PSMD1: variants seen among roughly 807,000 people sequenced by gnomAD.
PSMD1 encodes the protein proteasome 26S subunit, non-ATPase 1.
A neutral mutation model predicts 119.0 loss-of-function variants in PSMD1; 18 were observed. The ratio of observed to expected loss-of-function variants is 0.15; its 90% CI spans 0.10 to 0.22. PSMD1 has a LOEUF of 0.22. Ranked by LOEUF, PSMD1 falls within the 10% of genes least tolerant of loss-of-function variation. PSMD1 has a pLI of 1.00. For synonymous variants in PSMD1, 374 were observed against 396.6 expected, an observed-to-expected ratio of 0.94 and a Z score of 0.68; for missense variants, 702 against 1,158.5, an observed-to-expected ratio of 0.61 and a Z score of 5.72.
At chr2:231,121,596 T>A (rs919822354) in intron 16 of PSMD1, among the ~76,000 whole-genome samples, 1 of 152,218 alleles carries the variant, frequency 6.6e-6, no homozygotes, top group Admixed American at 6.5e-5. Context: ...TTCTATAGAA[T>A]ACATGGAATC....
chr2:231,170,423 T>G lies in PSMD1; in HGVS notation c.2716-143T>G. ...TACTTCGTATAGATCACAGTTATCT[T>G]TATCCCAGTAAAGTTCTACTCCAGT... On this transcript the variant is annotated intron_variant, in intron 23 of 24. Transcript: ENST00000308696. This position sits in a 1 kb window ranked among gnomAD's most constrained non-coding sequence, Gnocchi z 4.1. 2 of 834,596 alleles carry G rather than the reference T, an allele frequency of 2.4e-6. No homozygotes were observed. Among genetic ancestry groups the G allele is most frequent in the Non-Finnish European group, 3.5e-6 (2 of 570,944 alleles). 51.7% of individuals were successfully genotyped at this position (834,596 alleles called of 1,614,324 possible).
At chr2:231,142,574 T>G (rs993136204) in intron 17 of PSMD1, among the ~76,000 whole-genome samples, 19 of 152,218 alleles carry the variant, frequency 1.2e-4, no homozygotes, top group African/African-American at 4.6e-4. Context: ...CAAGCCTTTA[T>G]TTCTAGATAA....
intron 12 of PSMD1, among the ~76,000 whole-genome samples, chr2:231,080,988 CA>C (rs1178305293): frequency 6.6e-6 from 1 of 151,694 alleles, no homozygotes; most frequent in Non-Finnish European, 1.5e-5. Context: ...ACTAAAAATA[CA>C]AAAAATTAGC....
intron 10 of PSMD1, 107 bp downstream of exon 10, chr2:231,078,854 AT>A: frequency 1.4e-6 from 1 of 719,928 alleles, no homozygotes; most frequent in Non-Finnish European, 2.0e-6. Flanking sequence ...GAGGGCAGTG[AT>A]GCGATCTCGG....
chr2:231,102,678 G>A (rs1167974534), intron 16 of PSMD1, among the ~76,000 whole-genome samples: 1 of 151,998 alleles, frequency 6.6e-6, no homozygotes, highest in Non-Finnish European at 1.5e-5. Flanking sequence ...GGAGGAAGAG[G>A]AGAGGTTGGT....
chr2:231,109,484 T>C (rs1396875087), intron 16 of PSMD1: 1 of 1,275,704 alleles, frequency 7.8e-7, no homozygotes, highest in Non-Finnish European at 1.1e-6. Context: ...TTTTGGATTG[T>C]ATCCTTATAA....
intron 4 of PSMD1, 51 bp from the exon 5 acceptor site, chr2:231,066,855 G>A (rs1693920514): frequency 1.4e-6 from 2 of 1,434,562 alleles, no homozygotes; most frequent in Admixed American, 4.9e-5. Flanking sequence ...TGCCCTTTCT[G>A]ATAGTTTAGC....
chr2:231,127,038 C>A (rs999013751), intron 16 of PSMD1, among the ~76,000 whole-genome samples: 3 of 152,048 alleles, frequency 2.0e-5, no homozygotes, highest in Non-Finnish European at 4.4e-5. Flanking sequence ...CGCACACACA[C>A]GCACAGACGT....
chr2:231,119,106 T>G (rs1695443724), intron 16 of PSMD1, among the ~76,000 whole-genome samples: 1 of 152,256 alleles, frequency 6.6e-6, no homozygotes, highest in South Asian at 2.1e-4. Context: ...GTTTTAAATG[T>G]TTTAAGCATT....
chr2:231,109,920 A>G (rs112541876), intron 16 of PSMD1, among the ~76,000 whole-genome samples: 2 of 152,172 alleles, frequency 1.3e-5, no homozygotes, highest in East Asian at 3.8e-4. Flanking sequence ...AATCCTTTCC[A>G]TCTAACTTCT....
At chr2:231,113,987 TAC>T in intron 16 of PSMD1, 1 of 1,412,360 alleles carries the variant, frequency 7.1e-7, no homozygotes, top group South Asian at 1.2e-5. Context: ...ACTTTCAGTC[TAC>T]AGTTTTTCAG....
chr2:231,108,217 A>G (rs1456561379), intron 16 of PSMD1: 2 of 291,302 alleles, frequency 6.9e-6, no homozygotes, highest in East Asian at 8.2e-5. Context: ...AATAAATTTT[A>G]TGATGACAGT....
chr2:231,154,982 T>A (rs2125261268), intron 19 of PSMD1, among the ~76,000 whole-genome samples: 1 of 152,330 alleles, frequency 6.6e-6, no homozygotes, highest in African/African-American at 2.4e-5. Context: ...CCATAGTCTG[T>A]TTCAAAAGAT....
chr2:231,062,221 A>C (rs1693777226), intron 2 of PSMD1, 27 bp from the exon 3 acceptor site: 1 of 1,537,520 alleles, frequency 6.5e-7, no homozygotes, highest in Admixed American at 1.7e-5. Flanking sequence ...GTCTATCTCA[A>C]AATAGGATTT....
chr2:231,062,835 C>A, intron 4 of PSMD1, 160 bp downstream of exon 4: 1 of 559,040 alleles, frequency 1.8e-6, no homozygotes. Flanking sequence ...GTTTTTAGAT[C>A]TGCCCTTCAA....
chr2:231,072,106 C>T, intron 6 of PSMD1, 83 bp from the exon 7 acceptor site: 2 of 1,176,570 alleles, frequency 1.7e-6, no homozygotes, highest in Non-Finnish European at 2.5e-6. Context: ...TTAAGGTTTT[C>T]TATAATGTTG....
chr2:231,156,388 TTA>T (rs1696505955), intron 19 of PSMD1, among the ~76,000 whole-genome samples: 1 of 152,132 alleles, frequency 6.6e-6, no homozygotes, highest in Non-Finnish European at 1.5e-5. Context: ...AGTTCACTCT[TTA>T]TGTTGTACAT....
chr2:231,085,063 T>C lies in PSMD1; in HGVS notation c.1767T>C (p.Ala589=). Residue 589 remains alanine (A), a synonymous_variant, in exon 15 of 25, where the codon GCT becomes GCC. Transcript: ENST00000308696. ...RRSGMYTVAM[A]YCGSGNNKAI... is the part of the protein sequence containing the mutation. Reference sequence around the variant, plus strand: ...CTGGAATGTATACTGTAGCCATGGCTTATTGTGGCTCTGGTAACAACAAAG... The same window carrying C: ...CTGGAATGTATACTGTAGCCATGGCCTATTGTGGCTCTGGTAACAACAAAG... 6.2e-7 allele frequency: 1 copy of C among 1,614,098 alleles called. No homozygotes were observed. The highest frequency in any genetic ancestry group is 8.5e-7 in the Non-Finnish European group (1 of 1,179,942).
chr2:231,145,894 CAAAAAAA>C (rs36124651), intron 17 of PSMD1, among the ~76,000 whole-genome samples: 26 of 46,552 alleles, frequency 5.6e-4, no homozygotes, highest in Admixed American at 3.2e-3. Context: ...AGCTACATCT[CAAAAAAA>C]AAAAAAAAAA....
Sources: allele counts gnomAD v4.1 joint callset (sites outside exome capture counted in the v4.1 genomes callset), GRCh38; gene constraint gnomAD v4.1.1; non-coding constraint Gnocchi (gnomAD v3.1); transcripts MANE v1.5; gene names NCBI Gene and HGNC (gene_info 2026-07-23, HGNC 2026-07-21).